The following SYNE2 variants were observed in gnomAD, a reference collection of about 807,000 sequenced individuals.
The protein encoded by SYNE2 is nesprin-2.
SYNE2 carries 431 observed loss-of-function variants against 856.3 expected under a neutral mutation model. That is an observed-to-expected ratio of 0.50 (90% confidence interval 0.47 to 0.55). The LOEUF (loss-of-function observed/expected upper bound fraction) is 0.55, where lower values mean the gene tolerates loss of function less well. SYNE2 is among the 20% of genes least tolerant of loss of function. SYNE2 has a pLI of 0.00. For synonymous variants in SYNE2, 2,923 were observed against 2,872.3 expected (o/e 1.02, Z -0.56); for missense variants, 8,129 against 8,023.2 (o/e 1.01, Z -0.50).
intron 1 of SYNE2, among the ~76,000 whole-genome samples, chr14:63,775,902 GC>G (rs1156935104): frequency 1.3e-5 from 2 of 152,164 alleles, no homozygotes; most frequent in African/African-American, 4.8e-5. Context: ...ATTAAAAAGA[GC>G]CCCTAGTACT....
chr14:64,071,120 A>G (rs1380997325), intron 52 of SYNE2, among the ~76,000 whole-genome samples: 1 of 152,064 alleles, frequency 6.6e-6, no homozygotes, highest in Non-Finnish European at 1.5e-5. Context: ...TGTCCTTCCA[A>G]TTTCCTTTTT....
chr14:64,208,790 A>G lies in SYNE2; in HGVS notation c.18234A>G (p.Ala6078=), dbSNP rs776913741. ...DLQRDIEQHS[A]GVESVFNICD... is the part of the protein sequence containing the mutation. ...AGCGAGATATTGAACAACACAGCGCAGGGGTGGAGTCCGTGTTTAACATCT... is the reference window on the plus strand; with the variant it reads ...AGCGAGATATTGAACAACACAGCGCGGGGGTGGAGTCCGTGTTTAACATCT... Residue 6078 remains alanine (A), a synonymous_variant, in exon 101 of 116, where the codon GCA becomes GCG. Coordinates refer to ENST00000555002, the MANE Select transcript of SYNE2 (RefSeq NM_182914.3). 1.9e-6 allele frequency: 3 copies of G among 1,614,234 alleles called. No individual in the cohort carries two copies. In the Admixed American group the frequency reaches 5.0e-5, roughly 27 times the overall value.
chr14:64,175,722 T>C (rs1465235291), intron 95 of SYNE2, among the ~76,000 whole-genome samples: 2 of 152,210 alleles, frequency 1.3e-5, no homozygotes, highest in African/African-American at 4.8e-5. Flanking sequence ...TATTTTTACT[T>C]TGTCTTTCTC....
rs1387369492 is a variant in SYNE2 at position 64,021,520 on chromosome 14, TA to T, written c.5352+6del. 2.5e-6 allele frequency: 4 copies of T among 1,614,026 alleles called. No homozygotes were observed. Among genetic ancestry groups the T allele is most frequent in the Non-Finnish European group, 3.4e-6 (4 of 1,179,964 alleles). On this transcript the variant is annotated splice_donor_region_variant and intron_variant, in intron 36 of 115. Coordinates refer to ENST00000555002, the MANE Select transcript of SYNE2 (RefSeq NM_182914.3). ...GAGATCTTCACTAAACTAGAGGTGCTACCGAGCTGCTTGTCTTCTGTGGTTC... is the reference window on the plus strand; with the variant it reads ...GAGATCTTCACTAAACTAGAGGTGCTCCGAGCTGCTTGTCTTCTGTGGTTC...
rs1257937757 is a variant in SYNE2 at position 64,026,747 on chromosome 14, C to T, written c.6404+17C>T. 6.3e-7 allele frequency: 1 copy of T among 1,596,236 alleles called. No homozygotes were observed. The highest frequency in any genetic ancestry group is 8.5e-7 in the Non-Finnish European group (1 of 1,170,704). On this transcript the variant is annotated intron_variant, in intron 42 of 115. Coordinates refer to ENST00000555002, the MANE Select transcript of SYNE2 (RefSeq NM_182914.3). ...CTACCTAAGGTAAAGGGCATGCCTG[C>T]ACCACTTGCATCATATCCCATTGCC...
Position 64,001,996 on chromosome 14 carries a change from T to C in SYNE2, c.3701T>C (p.Leu1234Pro), listed in dbSNP as rs769589417. ...VLPVEKASLL[L>P]CGSDLPLHKM... ...CCTGTAGAGAAGGCATCACTTCTTCTCTGTGGCTCGGACCTGCCTCTCCAT... is the reference window on the plus strand; with the variant it reads ...CCTGTAGAGAAGGCATCACTTCTTCCCTGTGGCTCGGACCTGCCTCTCCAT... The change falls in exon 29 of 116, where the codon CTC becomes CCC. Residue 1234 changes from leucine to proline, a missense_variant. Leu to Pro is a moderately conservative substitution (Grantham distance 98). Transcript: ENST00000555002. 1.7e-5 allele frequency: 27 copies of C among 1,614,026 alleles called. No homozygotes were observed. Among genetic ancestry groups the C allele is most frequent in the Non-Finnish European group, 2.2e-5 (26 of 1,179,992 alleles).
intron 49 of SYNE2, among the ~76,000 whole-genome samples, chr14:64,058,408 T>G (rs2097290133): frequency 6.6e-6 from 1 of 152,222 alleles, no homozygotes; most frequent in Admixed American, 6.5e-5. Flanking sequence ...AAGTTCTCTG[T>G]TATGATCTCT....
intron 100 of SYNE2, chr14:64,204,270 C>T (rs1596204324): frequency 1.3e-5 from 2 of 152,176 alleles, no homozygotes; most frequent in East Asian, 3.9e-4. Flanking sequence ...ATGCGTCTCT[C>T]ATTGGAGTCA....
intron 99 of SYNE2, among the ~76,000 whole-genome samples, chr14:64,193,887 A>G (rs927258457): frequency 6.6e-5 from 10 of 152,296 alleles, no homozygotes; most frequent in African/African-American, 2.4e-4. Flanking sequence ...TCTTCATTTT[A>G]CGGAGAGGGA....
chr14:63,821,678 G>A (rs1401464363), intron 1 of SYNE2, among the ~76,000 whole-genome samples: 1 of 151,310 alleles, frequency 6.6e-6, no homozygotes, highest in Admixed American at 6.6e-5. Flanking sequence ...ACTTGAACCT[G>A]GGAGGCAGAG....
chr14:63,970,159 T>C (rs1242630533), intron 11 of SYNE2, among the ~76,000 whole-genome samples: 1 of 152,142 alleles, frequency 6.6e-6, no homozygotes, highest in Non-Finnish European at 1.5e-5. Context: ...ATGACACCGT[T>C]GTATCTTGCT....
At chr14:64,206,359 C>T (rs2098605256) in intron 100 of SYNE2, among the ~76,000 whole-genome samples, 1 of 152,170 alleles carries the variant, frequency 6.6e-6, no homozygotes, top group Non-Finnish European at 1.5e-5. Flanking sequence ...AGACTTAGGT[C>T]TCCGTGGTTA....
chr14:63,824,216 G>A (rs1889332818), intron 1 of SYNE2, among the ~76,000 whole-genome samples: 1 of 152,094 alleles, frequency 6.6e-6, no homozygotes, highest in South Asian at 2.1e-4. Flanking sequence ...GTGTGCATCT[G>A]TAGTCCCAGC....
chr14:64,186,699 C>T (rs1250003876), intron 97 of SYNE2, 120 bp downstream of exon 97: 2 of 1,319,166 alleles, frequency 1.5e-6, no homozygotes, highest in Non-Finnish European at 1.1e-6. Context: ...AGTGGGACCC[C>T]TGGCCCGGCC....
intron 99 of SYNE2, among the ~76,000 whole-genome samples, chr14:64,193,244 G>A (rs1374832223): frequency 2.0e-5 from 3 of 152,182 alleles, no homozygotes; most frequent in South Asian, 2.1e-4. Flanking sequence ...GCAGGGAACA[G>A]CAGCTCTTGT....
rs773610202 is a variant in SYNE2, at chr14:64,202,901, A to G, written c.18139A>G (p.Lys6047Glu). The G allele has an allele frequency of 1.9e-6, 3 of 1,614,216 alleles. No homozygotes were observed. Among genetic ancestry groups the G allele is most frequent in the Non-Finnish European group, 2.5e-6 (3 of 1,180,038 alleles). Residue 6047 changes from lysine (K) to glutamate (E), a missense_variant, in exon 100 of 116, where the codon AAG becomes GAG. By Grantham distance (56) the Lys-to-Glu change is moderately conservative. This residue lies in a region of SYNE2 where 5,410 missense variants were observed against 5,284.8 expected (regional missense o/e 1.02). Transcript: ENST00000555002. ...GGCTCGAATTGAGTCTGAGCTTTCCAAGCCTGTTGTTTATGATGTCTGCGA... is the reference window on the plus strand; with the variant it reads ...GGCTCGAATTGAGTCTGAGCTTTCCGAGCCTGTTGTTTATGATGTCTGCGA... Reference protein sequence around the residue: ...WLARIESELSKPVVYDVCDDQ... With the variant: ...WLARIESELSEPVVYDVCDDQ...
At chr14:63,924,831 G>GTTTTTTTT (rs1566813188) in intron 2 of SYNE2, among the ~76,000 whole-genome samples, 2 of 30,126 alleles carry the variant, frequency 6.6e-5, no homozygotes, top group Admixed American at 4.0e-4. Flanking sequence ...TTCCAGCCTT[G>GTTTTTTTT]GTGTTTTTTT....
intron 93 of SYNE2, 79 bp from the exon 94 acceptor site, chr14:64,170,149 C>G (rs2098403858): frequency 7.4e-7 from 1 of 1,347,816 alleles, no homozygotes; most frequent in South Asian, 1.2e-5. Context: ...AAAACTGAAT[C>G]TGAGCTGCTA....
At chr14:64,138,198 G>A (rs1329552546) in intron 79 of SYNE2, among the ~76,000 whole-genome samples, 4 of 149,394 alleles carry the variant, frequency 2.7e-5, no homozygotes, top group Admixed American at 2.0e-4. Flanking sequence ...TGCTGTGATC[G>A]TTTTTTCTTT....
Sources: gnomAD v4.1 joint callset for allele counts (sites outside exome capture counted in the v4.1 genomes callset) on GRCh38, gnomAD v4.1.1 for gene constraint, gnomAD v4.1.1 regional missense constraint, MANE v1.5 for transcripts, NCBI Gene and HGNC (gene_info 2026-07-23, HGNC 2026-07-21) for gene names.